Variants in ENPP3 observed in about 807,000 individuals in gnomAD.
ENPP3 encodes ectonucleotide pyrophosphatase/phosphodiesterase 3.
Under a neutral mutation model 117.8 loss-of-function variants are expected in ENPP3, and 104 were observed. The ratio of observed to expected loss-of-function variants is 0.88; its 90% CI spans 0.75 to 1.04. The LOEUF (loss-of-function observed/expected upper bound fraction) is 1.04, where lower values mean the gene tolerates loss of function less well. Among genes scored for constraint, ENPP3 ranks in the 50% least tolerant of loss-of-function variants. The probability of loss-of-function intolerance (pLI) is 0.00; values close to 1 mark genes in which losing one functional copy is unlikely to be tolerated. For synonymous variants in ENPP3, 380 were observed against 349.9 expected (o/e 1.09, Z -0.96); for missense variants, 1,026 against 1,051.9 (o/e 0.98, Z 0.34).
At chr6:131,721,932 CTA>C (rs1283845892) in intron 17 of ENPP3, among the ~76,000 whole-genome samples, 1 of 152,148 alleles carries the variant, frequency 6.6e-6, no homozygotes, top group African/African-American at 2.4e-5. Context: ...AGTATGTCGC[CTA>C]AGCTGGCCTC....
chr6:131,678,965 C>CCTTG (rs1562446635), intron 11 of ENPP3, among the ~76,000 whole-genome samples: 30 of 96,382 alleles, frequency 3.1e-4, no homozygotes, highest in Middle Eastern at 9.8e-3. Context: ...TTCTTTCCTT[C>CCTTG]CTTCCTTCCT....
chr6:131,717,484 C>A (rs1779923998), intron 15 of ENPP3, among the ~76,000 whole-genome samples: 1 of 150,248 alleles, frequency 6.7e-6, no homozygotes, highest in East Asian at 2.0e-4. Context: ...AAATAGGAGT[C>A]CTTTGTTCCC....
In ENPP3 at chr6:131,747,003, TG is replaced by T; in HGVS notation, c.*49del. 5.5e-6 allele frequency: 6 copies of T among 1,098,908 alleles called. No individual in the cohort carries two copies. Among genetic ancestry groups the T allele is most frequent in the Non-Finnish European group, 7.4e-6 (6 of 808,764 alleles). 68.1% of individuals were successfully genotyped at this position (1,098,908 alleles called of 1,614,324 possible). A position where few individuals can be genotyped will look rare whatever the true frequency, so the allele number is the denominator to read the frequency against. ...TATAATTTACTGTATAAAGTAATTT[TG>T]GCAAAATATAAGTGATTTTTTTCTG... On this transcript the variant is annotated 3_prime_UTR_variant, in exon 25 of 25. Coordinates refer to ENST00000357639, the MANE Select transcript of ENPP3 (RefSeq NM_005021.5).
chr6:131,646,415 A>T (rs1361439457), intron 2 of ENPP3, among the ~76,000 whole-genome samples: 1 of 151,856 alleles, frequency 6.6e-6, no homozygotes, highest in African/African-American at 2.4e-5. Flanking sequence ...CTATCCTGCT[A>T]TCCTCAAATG....
chr6:131,693,393 C>A (rs1388239675), intron 14 of ENPP3, 104 bp from the exon 15 acceptor site: 6 of 978,368 alleles, frequency 6.1e-6, no homozygotes, highest in South Asian at 1.7e-5. Context: ...AGCTGAAATC[C>A]CCTTACTTTT....
intron 14 of ENPP3, among the ~76,000 whole-genome samples, chr6:131,689,178 AG>A (rs1433666944): frequency 6.6e-6 from 1 of 152,256 alleles, no homozygotes; most frequent in Non-Finnish European, 1.5e-5. Flanking sequence ...CAGAAGATCT[AG>A]CTAAGATCAT....
At chr6:131,678,593 C>T (rs1040360292) in intron 11 of ENPP3, among the ~76,000 whole-genome samples, 3 of 152,218 alleles carry the variant, frequency 2.0e-5, no homozygotes, top group African/African-American at 7.2e-5. Context: ...CAAAGGCTGC[C>T]ATGAATGTGG....
intron 6 of ENPP3, among the ~76,000 whole-genome samples, chr6:131,666,132 A>C (rs894050014): frequency 6.6e-6 from 1 of 152,068 alleles, no homozygotes; most frequent in African/African-American, 2.4e-5. Context: ...TATGTGATCT[A>C]TCCTGGAGAA....
intron 15 of ENPP3, chr6:131,700,632 A>C (rs751888762): frequency 6.4e-7 from 1 of 1,556,818 alleles, no homozygotes; most frequent in Admixed American, 1.9e-5. Flanking sequence ...TCCAACATAC[A>C]TGATAATGGC....
chr6:131,649,274 T>C lies in ENPP3; in HGVS notation c.155-753T>C, dbSNP rs533455961. Among the ~76,000 whole-genome samples, 29 of 152,268 alleles carry C rather than the reference T, an allele frequency of 1.9e-4. No individual in the cohort carries two copies. The East Asian group carries it at 3.9e-3, about 20-fold the overall frequency. ...CTAAAACACAGATCTAGTTCATTAC[T>C]CTCTGCTTACTCTTTAATGGCTTCC... On this transcript the variant is annotated intron_variant, in intron 2 of 24. Coordinates refer to ENST00000357639, the MANE Select transcript of ENPP3 (RefSeq NM_005021.5).
intron 18 of ENPP3, among the ~76,000 whole-genome samples, chr6:131,722,958 A>G (rs1780067776): frequency 6.6e-6 from 1 of 152,172 alleles, no homozygotes; most frequent in Non-Finnish European, 1.5e-5. Flanking sequence ...GAGACTTTCA[A>G]TAAGGTGAGG....
chr6:131,645,365 C>T (rs1359260558), intron 2 of ENPP3, among the ~76,000 whole-genome samples: 3 of 152,222 alleles, frequency 2.0e-5, no homozygotes, highest in Non-Finnish European at 2.9e-5. Flanking sequence ...ATTCAGCTCT[C>T]TAATTTTTGG....
chr6:131,643,997 G>A (rs1200629802), intron 2 of ENPP3, among the ~76,000 whole-genome samples: 3 of 151,482 alleles, frequency 2.0e-5, no homozygotes. Context: ...AATGACTGAA[G>A]GAAGTGAGAC....
At chr6:131,647,109 G>A (rs1307698135) in intron 2 of ENPP3, among the ~76,000 whole-genome samples, 1 of 151,800 alleles carries the variant, frequency 6.6e-6, no homozygotes, top group African/African-American at 2.4e-5. Flanking sequence ...CCTGAGCTCA[G>A]GTGATCTGCC....
intron 3 of ENPP3, 146 bp downstream of exon 3, chr6:131,650,295 C>T: frequency 2.5e-6 from 2 of 799,652 alleles, no homozygotes; most frequent in South Asian, 3.3e-5. Context: ...TCATGGCCAA[C>T]TCCAGACTTG....
chr6:131,689,377 T>G (rs751007793), intron 14 of ENPP3, among the ~76,000 whole-genome samples: 5 of 152,112 alleles, frequency 3.3e-5, no homozygotes, highest in Non-Finnish European at 5.9e-5. Context: ...ATTGAGCCAA[T>G]GTTCATTCTG....
chr6:131,701,373 T>A (rs1264968144), intron 15 of ENPP3: 1 of 1,613,976 alleles, frequency 6.2e-7, no homozygotes, highest in Admixed American at 1.7e-5. Context: ...TAGGAGGAAC[T>A]CTCTGATGGA....
Position 131,737,407 on chromosome 6 carries a change from G to A in ENPP3, c.2142G>A (p.Leu714=). 1 of 1,601,944 alleles carries A rather than the reference G, an allele frequency of 6.2e-7. No homozygotes were observed. Among genetic ancestry groups the A allele is most frequent in the Non-Finnish European group, 8.5e-7 (1 of 1,170,328 alleles). The change falls in exon 22 of 25, where the codon TTG becomes TTA. Residue 714 remains leucine (L), a synonymous_variant. Coordinates refer to ENST00000357639, the MANE Select transcript of ENPP3 (RefSeq NM_005021.5). ...ATGATGCTTTAATTACTAGCAATTT[G>A]GTACCTATGTATGAAGAATTCAGAA... ...SQYDALITSN[L]VPMYEEFRKM... is the part of the protein sequence containing the mutation.
intron 24 of ENPP3, among the ~76,000 whole-genome samples, chr6:131,740,732 T>G (rs1214013653): frequency 1.3e-5 from 2 of 152,202 alleles, no homozygotes; most frequent in Non-Finnish European, 2.9e-5. Context: ...GTGAGATGTT[T>G]GAATGCGTGC....
Sources: allele counts gnomAD v4.1 joint callset (sites outside exome capture counted in the v4.1 genomes callset), GRCh38; gene constraint gnomAD v4.1.1; transcripts MANE v1.5; gene names NCBI Gene and HGNC (gene_info 2026-07-23, HGNC 2026-07-21).